The following NUMA1 variants were observed in gnomAD, a reference collection of about 807,000 sequenced individuals.
The protein encoded by NUMA1 is SP-H antigen.
A neutral mutation model predicts 237.1 loss-of-function variants in NUMA1; 62 were observed. The observed-to-expected ratio is 0.26, with a 90% confidence interval of 0.21 to 0.32. NUMA1 has a LOEUF of 0.32. NUMA1 is among the 10% of genes least tolerant of loss of function. The pLI, the probability that NUMA1 is intolerant of heterozygous loss-of-function variation, is 1.00. For synonymous variants in NUMA1, 1,028 were observed against 1,066.1 expected (o/e 0.96, Z 0.70); for missense variants, 2,533 against 2,666.5 (o/e 0.95, Z 1.10).
chr11:72,074,404 T>C lies in NUMA1; in HGVS notation c.-102-4493A>G, dbSNP rs376500802. 6.6e-5 allele frequency among the ~76,000 whole-genome samples: 10 copies of C among 152,180 alleles called. No homozygotes were observed. The East Asian group carries it at 1.2e-3, about 18-fold the overall frequency. ...GTAAAGTACTTAGAACAGTGCCTAG[T>C]TCACAATATACGCTGGAAAAAAAAT... On this transcript the variant is annotated intron_variant, in intron 1 of 26. Coordinates refer to ENST00000393695, the MANE Select transcript of NUMA1 (RefSeq NM_006185.4).
Position 72,008,739 on chromosome 11 carries a change from A to G in NUMA1, c.5165T>C (p.Ile1722Thr), listed in dbSNP as rs894158883. The G allele has an allele frequency of 4.3e-6, 7 of 1,613,998 alleles. No homozygotes were observed. Among genetic ancestry groups the G allele is most frequent in the Non-Finnish European group, 5.1e-6 (6 of 1,180,034 alleles). The change falls in exon 20 of 27, where the codon ATT becomes ACT. Residue 1722 changes from isoleucine to threonine, a missense_variant. Around this residue, in one of 3 missense-constraint regions of NUMA1, gnomAD observed 795 missense variants for 750.8 expected, o/e 1.06. Coordinates refer to ENST00000393695, the MANE Select transcript of NUMA1 (RefSeq NM_006185.4). ...CTCGCAGCTCAGATCCAGGCTGTCAATACTCAAGTCCAGCTGGGGCTTAGC... is the reference window on the plus strand; with the variant it reads ...CTCGCAGCTCAGATCCAGGCTGTCAGTACTCAAGTCCAGCTGGGGCTTAGC... ...PQAKPQLDLS[I>T]DSLDLSCEEG... is the part of the protein sequence containing the mutation.
chr11:72,034,581 A>G (rs1442908006), intron 3 of NUMA1, among the ~76,000 whole-genome samples: 1 of 151,858 alleles, frequency 6.6e-6, no homozygotes, highest in Non-Finnish European at 1.5e-5. Flanking sequence ...GGTGGCGTGC[A>G]CCTGTAATCC....
At chr11:72,017,436 A>C (rs921514223) in intron 13 of NUMA1, 7 of 533,078 alleles carry the variant, frequency 1.3e-5, no homozygotes, top group Non-Finnish European at 2.0e-5. Flanking sequence ...CAAGATCCAC[A>C]TCTTGTGAAC....
At chr11:72,053,980 A>G (rs1185168417) in intron 2 of NUMA1, among the ~76,000 whole-genome samples, 1 of 152,238 alleles carries the variant, frequency 6.6e-6, no homozygotes, top group East Asian at 1.9e-4. Flanking sequence ...TGCTAATATT[A>G]TACCATTTTA....
chr11:72,005,206 G>GC, intron 23 of NUMA1, 27 bp downstream of exon 23: 1 of 1,565,880 alleles, frequency 6.4e-7, no homozygotes, highest in Non-Finnish European at 8.6e-7. Context: ...GGGATGGGAG[G>GC]CCCTGCACAG....
At chr11:72,012,480 T>A (rs375081816) in intron 15 of NUMA1, 38 bp from the exon 16 acceptor site, 1 of 1,602,486 alleles carries the variant, frequency 6.2e-7, no homozygotes, top group African/African-American at 1.3e-5. Flanking sequence ...CAGAGTGAGA[T>A]GAGGCCAAAG....
At position 72,005,455 on chromosome 11, in the gene NUMA1, C is replaced by T. The variant is rs117140914; in HGVS notation, c.5693-86G>A. On this transcript the variant is annotated intron_variant, in intron 22 of 26. Transcript: ENST00000393695. ...CTGGCATCTTGCCAGCCTTTGCTGC[C>T]ACCTACCCCATAAACTTGAAGCCCA... 3,584 of 1,316,922 alleles carry T rather than the reference C, an allele frequency of 2.7e-3. 7 individuals carry two copies. The highest frequency in any genetic ancestry group is 3.7e-3 in the South Asian group (293 of 79,720). The allele number at this position is 1,316,922 out of a possible 1,614,324, so 81.6% of individuals were successfully genotyped here. A position where few individuals can be genotyped will look rare whatever the true frequency, so the allele number is the denominator to read the frequency against.
intron 2 of NUMA1, among the ~76,000 whole-genome samples, chr11:72,060,144 T>C (rs1471128941): frequency 6.6e-6 from 1 of 152,184 alleles, no homozygotes; most frequent in Non-Finnish European, 1.5e-5. Flanking sequence ...TCAAGTGTAA[T>C]TCCCCCTACC....
Position 72,006,220 on chromosome 11 carries a change from T to C in NUMA1, c.5507A>G (p.Tyr1836Cys), listed in dbSNP as rs1185962937. 9 of 1,614,016 alleles carry C rather than the reference T, an allele frequency of 5.6e-6. No individual in the cohort carries two copies. Among genetic ancestry groups the C allele is most frequent in the South Asian group, 1.1e-5 (1 of 91,084 alleles). ...EEPDSANSSF[Y>C]STRSAPASQA... Reference sequence around the variant, plus strand: ...GGAAGCAGGAGCAGACCGCGTGCTGTAGAACGATGAGTTGGCGCTGTCTGG... The same window carrying C: ...GGAAGCAGGAGCAGACCGCGTGCTGCAGAACGATGAGTTGGCGCTGTCTGG... Residue 1836 changes from tyrosine to cysteine, a missense_variant, in exon 22 of 27, where the codon TAC becomes TGC. By Grantham distance (194) the Tyr-to-Cys change is radical. Coordinates refer to ENST00000393695, the MANE Select transcript of NUMA1 (RefSeq NM_006185.4).
rs537652702 is a variant in NUMA1, at chr11:72,030,287, G to A, written c.43-997C>T. Among the ~76,000 whole-genome samples, 22 of 148,040 alleles carry A rather than the reference G, an allele frequency of 1.5e-4. No homozygotes were observed. The East Asian group carries it at 4.4e-3, about 30-fold the overall frequency. ...GGAGGTCGAGGCTGCAGTGAGCTGG[G>A]ATTGCATCACTGTACTCTAGCCTGA... is the stretch of plus-strand genomic sequence containing the variant. On this transcript the variant is annotated intron_variant, in intron 3 of 26. Coordinates refer to ENST00000393695, the MANE Select transcript of NUMA1 (RefSeq NM_006185.4).
intron 3 of NUMA1, among the ~76,000 whole-genome samples, chr11:72,031,560 TG>T: frequency 6.6e-6 from 1 of 152,086 alleles, no homozygotes; most frequent in Middle Eastern, 3.4e-3. Flanking sequence ...TTGGGGAGGC[TG>T]AGGTGGAAGG....
At chr11:72,022,496 G>T in intron 6 of NUMA1, 77 bp from the exon 7 acceptor site, 2 of 958,622 alleles carry the variant, frequency 2.1e-6, no homozygotes, top group South Asian at 2.7e-5. Flanking sequence ...CTGTTCTGGG[G>T]ACTCTGAGCT....
Position 72,007,260 on chromosome 11 carries a change from G to C in NUMA1, c.5392C>G (p.Leu1798Val). Residue 1798 changes from leucine (L) to valine (V), a missense_variant, in exon 21 of 27, where the codon CTG (leucine) becomes GTG (valine). Around this residue, in one of 3 missense-constraint regions of NUMA1, gnomAD observed 795 missense variants for 750.8 expected, o/e 1.06. Transcript: ENST00000393695. ...SSLDSLGDVF[L>V]DSGRKTRSAR... ...GAGCGGGTCTTACGACCCGAGTCCAGGAAGACGTCTCCCAGGGAGTCCAGG... is the reference window on the plus strand; with the variant it reads ...GAGCGGGTCTTACGACCCGAGTCCACGAAGACGTCTCCCAGGGAGTCCAGG... 1 of 1,613,096 alleles carries C rather than the reference G, an allele frequency of 6.2e-7. No homozygotes were observed. The highest frequency in any genetic ancestry group is 8.5e-7 in the Non-Finnish European group (1 of 1,179,634).
intron 3 of NUMA1, among the ~76,000 whole-genome samples, chr11:72,033,193 A>G (rs1313725033): frequency 6.6e-6 from 1 of 152,108 alleles, no homozygotes; most frequent in Admixed American, 6.6e-5. Flanking sequence ...GCTATGTTAT[A>G]GGTTGGAGTG....
intron 14 of NUMA1, 27 bp from the exon 15 acceptor site, chr11:72,016,287 A>C: frequency 6.3e-7 from 1 of 1,584,524 alleles, no homozygotes; most frequent in Non-Finnish European, 8.6e-7. Context: ...ACAAACTGGG[A>C]TCAGCATGAC....
chr11:72,003,557 C>T lies in NUMA1; in HGVS notation c.6337-19G>A. ...GCTTTGCCTGAAAGAGACACAGTCA[C>T]ATGGCCAGATGAGAACTTGCGATAC... is the stretch of plus-strand genomic sequence containing the variant. On this transcript the variant is annotated intron_variant, in intron 26 of 26. Transcript: ENST00000393695. The T allele has an allele frequency of 6.2e-7, 1 of 1,614,178 alleles. No homozygotes were observed. The highest frequency in any genetic ancestry group is 8.5e-7 in the Non-Finnish European group (1 of 1,180,012).
intron 8 of NUMA1, chr11:72,020,383 G>A (rs941394095): frequency 2.0e-5 from 3 of 152,170 alleles, no homozygotes; most frequent in Non-Finnish European, 2.9e-5. Context: ...AACTCGCCTA[G>A]ACCTCCTTCT....
chr11:72,022,539 C>A, intron 6 of NUMA1, 120 bp from the exon 7 acceptor site: 1 of 629,142 alleles, frequency 1.6e-6, no homozygotes, highest in Non-Finnish European at 2.8e-6. Flanking sequence ...TCCTGGAATT[C>A]AGCAATCCCA....
intron 2 of NUMA1, chr11:72,039,819 C>T (rs1941456122): frequency 1.3e-5 from 2 of 152,250 alleles, no homozygotes; most frequent in Admixed American, 1.3e-4. Flanking sequence ...GAGAGACACT[C>T]ACATCCAAAG....
Sources: gnomAD v4.1 joint callset for allele counts (sites outside exome capture counted in the v4.1 genomes callset) on GRCh38, gnomAD v4.1.1 for gene constraint, gnomAD v4.1.1 regional missense constraint, MANE v1.5 for transcripts, NCBI Gene and HGNC (gene_info 2026-07-23, HGNC 2026-07-21) for gene names.